DPY19L4: variants seen among roughly 807,000 people sequenced by gnomAD.
The protein encoded by DPY19L4 is probable C-mannosyltransferase DPY19L4.
A neutral mutation model predicts 102.8 loss-of-function variants in DPY19L4; 97 were observed. The ratio of observed to expected loss-of-function variants is 0.94; its 90% CI spans 0.80 to 1.12. The LOEUF is 1.12. Ranked by LOEUF, DPY19L4 falls within the 50% of genes most tolerant of loss-of-function variation. The probability of loss-of-function intolerance (pLI) is 0.00; values close to 1 mark genes in which losing one functional copy is unlikely to be tolerated. For missense variants in DPY19L4, 815 were observed against 850.4 expected (o/e 0.96, Z 0.52); for synonymous variants, 252 against 283.1 (o/e 0.89, Z 1.10).
At chr8:94,777,337 G>T (rs902864186) in intron 13 of DPY19L4, among the ~76,000 whole-genome samples, 2 of 152,140 alleles carry the variant, frequency 1.3e-5, no homozygotes, top group Admixed American at 6.5e-5. Flanking sequence ...AAAGTGCTGG[G>T]ATTACAGGCA....
chr8:94,735,227 C>T (rs561898731), intron 3 of DPY19L4, among the ~76,000 whole-genome samples: 1 of 152,326 alleles, frequency 6.6e-6, no homozygotes, highest in East Asian at 1.9e-4. Context: ...ACAGATTCTT[C>T]AGTCACTATA....
chr8:94,767,065 C>T (rs1460823938), intron 11 of DPY19L4, among the ~76,000 whole-genome samples: 1 of 132,256 alleles, frequency 7.6e-6, no homozygotes, highest in Admixed American at 7.9e-5. Flanking sequence ...GAGACCCTGT[C>T]TAAAAAAAAA....
At chr8:94,745,880 G>A (rs935086901) in intron 6 of DPY19L4, among the ~76,000 whole-genome samples, 2 of 151,524 alleles carry the variant, frequency 1.3e-5, no homozygotes, top group Non-Finnish European at 2.9e-5. Flanking sequence ...TCAGCCTCCC[G>A]AGTAGCTGGG....
In DPY19L4 at chr8:94,739,783, A is replaced by G. The variant is rs780254181; in HGVS notation, c.604A>G (p.Ile202Val). The part of the protein sequence containing the change: ...AGMLTVAWFV[I>V]NRVDTTRIEY... The stretch of plus-strand genomic sequence containing the variant: ...AATGCTTACTGTTGCGTGGTTCGTT[A>G]TTAACAGGTAAGAAAGCTGTTTTAA... Residue 202 changes from isoleucine to valine, a missense_variant, in exon 6 of 19, where the codon ATT (isoleucine) becomes GTT (valine). Physicochemically the swap from Ile to Val is conservative, Grantham distance 29. Coordinates refer to ENST00000414645, the MANE Select transcript of DPY19L4 (RefSeq NM_181787.3). 1 of 1,612,002 alleles carries G rather than the reference A, an allele frequency of 6.2e-7. No homozygotes were observed. Among genetic ancestry groups the G allele is most frequent in the South Asian group, 1.1e-5 (1 of 90,916 alleles).
intron 6 of DPY19L4, among the ~76,000 whole-genome samples, chr8:94,743,494 A>AG (rs1811536420): frequency 6.6e-6 from 1 of 151,624 alleles, no homozygotes; most frequent in African/African-American, 2.4e-5. Context: ...AAAAAAAAAA[A>AG]ATAGCCAGGC....
chr8:94,771,063 C>T (rs1812912404), intron 13 of DPY19L4, among the ~76,000 whole-genome samples: 1 of 151,900 alleles, frequency 6.6e-6, no homozygotes, highest in African/African-American at 2.4e-5. Context: ...TACAGGCGTG[C>T]GCCACTGCAC....
Position 94,741,752 on chromosome 8 carries a change from T to A in DPY19L4, c.611+1962T>A, listed in dbSNP as rs749941174. On this transcript the variant is annotated intron_variant, in intron 6 of 18. Coordinates refer to ENST00000414645, the MANE Select transcript of DPY19L4 (RefSeq NM_181787.3). ...GTACCTTTCAGGCCGGCTCCTGAGTTCTTTTGACACAACTTTGTTAATCTT... is the reference window on the plus strand; with the variant it reads ...GTACCTTTCAGGCCGGCTCCTGAGTACTTTTGACACAACTTTGTTAATCTT... Among the ~76,000 whole-genome samples, 8 of 152,254 alleles carry A rather than the reference T, an allele frequency of 5.3e-5. No individual in the cohort carries two copies. The East Asian group carries it at 1.3e-3, about 26-fold the overall frequency.
At chr8:94,746,212 C>A (rs1811668718) in intron 6 of DPY19L4, among the ~76,000 whole-genome samples, 1 of 151,958 alleles carries the variant, frequency 6.6e-6, no homozygotes, top group South Asian at 2.1e-4. Flanking sequence ...CAGGCACCCA[C>A]CACCATGCCC....
intron 6 of DPY19L4, among the ~76,000 whole-genome samples, chr8:94,751,061 G>A (rs577170267): frequency 3.3e-5 from 5 of 151,118 alleles, no homozygotes; most frequent in South Asian, 4.2e-4. Flanking sequence ...GATTACAGGC[G>A]TGAGCCACTA....
At chr8:94,739,098 A>G (rs1387424370) in intron 4 of DPY19L4, among the ~76,000 whole-genome samples, 1 of 152,128 alleles carries the variant, frequency 6.6e-6, no homozygotes, top group Non-Finnish European at 1.5e-5. Context: ...ACAGAATACT[A>G]GAAGTTATTT....
intron 1 of DPY19L4, among the ~76,000 whole-genome samples, chr8:94,721,095 C>G (rs1810438844): frequency 6.6e-6 from 1 of 152,130 alleles, no homozygotes; most frequent in Non-Finnish European, 1.5e-5. Context: ...TACAGGCATG[C>G]GCCATCACGC....
intron 13 of DPY19L4, among the ~76,000 whole-genome samples, chr8:94,770,908 C>T (rs996987842): frequency 8.7e-5 from 13 of 149,414 alleles, no homozygotes; most frequent in African/African-American, 3.3e-4. Flanking sequence ...GTCAGAAAAC[C>T]CACAAAGATT....
At chr8:94,767,743 T>TATAC (rs1266361498) in intron 11 of DPY19L4, among the ~76,000 whole-genome samples, 2 of 152,198 alleles carry the variant, frequency 1.3e-5, no homozygotes, top group African/African-American at 4.8e-5. Context: ...CATTTGTCAA[T>TATAC]ATACAGTAGG....
intron 13 of DPY19L4, among the ~76,000 whole-genome samples, chr8:94,771,205 G>A (rs890806759): frequency 2.6e-5 from 4 of 151,960 alleles, no homozygotes; most frequent in East Asian, 1.9e-4. Flanking sequence ...GTGAGCCACC[G>A]CACCCAGCAA....
intron 8 of DPY19L4, among the ~76,000 whole-genome samples, chr8:94,764,717 A>ATTTTTTTTTTTTTT (rs869220296): frequency 3.4e-5 from 1 of 29,324 alleles, no homozygotes; most frequent in Non-Finnish European, 5.6e-5. Flanking sequence ...ATATATATAT[A>ATTTTTTTTTTTTTT]TTTTTTTTTT....
chr8:94,769,608 T>C (rs1265005621), intron 12 of DPY19L4, among the ~76,000 whole-genome samples: 1 of 151,904 alleles, frequency 6.6e-6, no homozygotes, highest in Non-Finnish European at 1.5e-5. Flanking sequence ...TTCCAACAAT[T>C]TGAGAGGCTG....
chr8:94,739,459 T>C lies in DPY19L4; in HGVS notation c.390T>C (p.Thr130=). The stretch of plus-strand genomic sequence containing the variant: ...ATAACAAAACTGTATCTCTGAAGAC[T>C]ATAAATGCAGTGCAGCAAATGTCTC... ...THNNKTVSLK[T]INAVQQMSLY... Residue 130 remains threonine (T), a synonymous_variant, in exon 5 of 19, where the codon ACT becomes ACC. Coordinates refer to ENST00000414645, the MANE Select transcript of DPY19L4 (RefSeq NM_181787.3). 1 of 1,606,074 alleles carries C rather than the reference T, an allele frequency of 6.2e-7. No individual in the cohort carries two copies. Among genetic ancestry groups the C allele is most frequent in the Non-Finnish European group, 8.5e-7 (1 of 1,178,026 alleles).
chr8:94,759,485 C>G (rs1812308658), intron 7 of DPY19L4, among the ~76,000 whole-genome samples: 1 of 148,510 alleles, frequency 6.7e-6, no homozygotes, highest in South Asian at 2.1e-4. Flanking sequence ...AGCCACTGTG[C>G]CTGGTCTACA....
In DPY19L4 at chr8:94,791,411, TGATA is replaced by T. The variant is rs1168981587; in HGVS notation, c.*1505_*1508del. The T allele has an allele frequency of 1.3e-5, 2 of 152,194 alleles. No individual in the cohort carries two copies. The highest frequency in any genetic ancestry group is 2.9e-5 in the Non-Finnish European group (2 of 68,008). The allele number at this position is 152,194 out of a possible 1,614,324, so 9.4% of individuals were successfully genotyped here. A position where few individuals can be genotyped will look rare whatever the true frequency, so the allele number is the denominator to read the frequency against. On this transcript the variant is annotated 3_prime_UTR_variant, in exon 19 of 19. Transcript: ENST00000414645. ...TTGTTTGATGGTGATGTCATATATC[TGATA>T]GATTAGTTTCAGTGGTTCTCATTTC...
Sources: gnomAD v4.1 joint callset for allele counts (sites outside exome capture counted in the v4.1 genomes callset) on GRCh38, gnomAD v4.1.1 for gene constraint, MANE v1.5 for transcripts, NCBI Gene and HGNC (gene_info 2026-07-23, HGNC 2026-07-21) for gene names.